Variants in TMEM74 observed in about 807,000 individuals in gnomAD.
TMEM74 encodes transmembrane protein 74.
Under a neutral mutation model 18.1 loss-of-function variants are expected in TMEM74, and 13 were observed. The observed-to-expected ratio is 0.72, with a 90% CI of 0.47 to 1.14. The LOEUF (loss-of-function observed/expected upper bound fraction) is 1.14, where lower values mean the gene tolerates loss of function less well. Among genes scored for constraint, TMEM74 ranks in the 50% most tolerant of loss-of-function variants. The pLI is 0.00. For missense variants in TMEM74, 372 were observed against 375.9 expected (o/e 0.99, Z 0.09); for synonymous variants, 159 against 146.6 (o/e 1.08, Z -0.61).
intron 1 of TMEM74, among the ~76,000 whole-genome samples, chr8:108,734,635 T>A (rs1051806271): frequency 3.9e-5 from 6 of 152,144 alleles, no homozygotes; most frequent in Admixed American, 1.3e-4. Context: ...CTAAGTTTTT[T>A]AATATCCTCT....
intron 1 of TMEM74, among the ~76,000 whole-genome samples, chr8:108,701,992 C>G (rs545858122): frequency 6.6e-6 from 1 of 152,148 alleles, no homozygotes; most frequent in Non-Finnish European, 1.5e-5. Context: ...CACTACCCAA[C>G]ATTAAGCTTT....
At chr8:108,720,429 C>A (rs1813574333) in intron 1 of TMEM74, among the ~76,000 whole-genome samples, 1 of 152,118 alleles carries the variant, frequency 6.6e-6, no homozygotes, top group South Asian at 2.1e-4. Flanking sequence ...TAGTATAAAA[C>A]CTATTATGAG....
At chr8:108,659,467 T>C (rs75638756) in intron 1 of TMEM74, among the ~76,000 whole-genome samples, 6,437 of 152,244 alleles carry the variant, frequency 0.042, 282 homozygotes, top group African/African-American at 0.11. Context: ...AAAGCTGGTG[T>C]TCTCCTGGCT....
intron 1 of TMEM74, among the ~76,000 whole-genome samples, chr8:108,742,510 CTAAGACA>C (rs1397091668): frequency 3.3e-5 from 5 of 152,220 alleles, no homozygotes; most frequent in Non-Finnish European, 5.9e-5. Context: ...GACAGCGAAT[CTAAGACA>C]TAAGTAGCAC....
intron 2 of TMEM74, among the ~76,000 whole-genome samples, chr8:108,647,656 A>T (rs1812733533): frequency 6.6e-6 from 1 of 152,146 alleles, no homozygotes; most frequent in South Asian, 2.1e-4. Context: ...TTCTTAATAC[A>T]TGTATTCAAT....
At chr8:108,652,836 A>T in intron 2 of TMEM74, 1 of 532,576 alleles carries the variant, frequency 1.9e-6, no homozygotes, top group Non-Finnish European at 3.6e-6. Flanking sequence ...ACAGATATGA[A>T]GGTTGTATGG....
chr8:108,728,124 T>C lies in TMEM74; in HGVS notation n.119+59352A>G, dbSNP rs185806784. ...AAGGGATAATTGGAAATAATTAGTA[T>C]AGCAGCTCTTTTAAGGAGTTTTGCT... On this transcript the variant is annotated intron_variant and non_coding_transcript_variant, in intron 1 of 3. Transcript: ENST00000518838. 2.6e-5 allele frequency among the ~76,000 whole-genome samples: 4 copies of C among 152,314 alleles called. No homozygotes were observed. In the East Asian group the frequency reaches 7.7e-4, roughly 29 times the overall value.
At chr8:108,669,836 G>A (rs1236199273) in intron 1 of TMEM74, among the ~76,000 whole-genome samples, 8 of 151,966 alleles carry the variant, frequency 5.3e-5, no homozygotes, top group African/African-American at 1.2e-4. Flanking sequence ...TCAGGAGTTC[G>A]AGACCAGCCT....
intron 2 of TMEM74, among the ~76,000 whole-genome samples, chr8:108,633,477 A>G (rs1392565794): frequency 1.3e-5 from 2 of 151,994 alleles, no homozygotes; most frequent in Admixed American, 1.3e-4. Context: ...GTAATTATGA[A>G]CTTAAGATTT....
chr8:108,696,757 C>T (rs1291608414), intron 1 of TMEM74, among the ~76,000 whole-genome samples: 1 of 152,198 alleles, frequency 6.6e-6, no homozygotes, highest in Non-Finnish European at 1.5e-5. Context: ...AAGTAAATCT[C>T]ACAACTGCAA....
chr8:108,710,570 G>A (rs1226822201), intron 1 of TMEM74, among the ~76,000 whole-genome samples: 1 of 152,192 alleles, frequency 6.6e-6, no homozygotes, highest in Non-Finnish European at 1.5e-5. Flanking sequence ...GCCGTAGGCA[G>A]GTGAAATGCA....
At chr8:108,637,176 G>A (rs771229027) in intron 2 of TMEM74, among the ~76,000 whole-genome samples, 1 of 152,090 alleles carries the variant, frequency 6.6e-6, no homozygotes, top group African/African-American at 2.4e-5. Flanking sequence ...TGCAAAGATT[G>A]TTCCATATTA....
intron 1 of TMEM74, among the ~76,000 whole-genome samples, chr8:108,685,756 T>C (rs1011159995): frequency 6.6e-6 from 1 of 152,076 alleles, no homozygotes; most frequent in African/African-American, 2.4e-5. Flanking sequence ...AGAGAAGGAA[T>C]GGAACAATAT....
rs1411659308 is a variant in TMEM74, at chr8:108,670,294, C to T, written n.120-14857G>A. Among the ~76,000 whole-genome samples the T allele has an allele frequency of 2.6e-5, 4 of 152,112 alleles. 1 individual carries two copies. Among genetic ancestry groups the T allele is most frequent in the Non-Finnish European group, 5.9e-5 (4 of 68,016 alleles). On this transcript the variant is annotated intron_variant and non_coding_transcript_variant, in intron 1 of 3. Coordinates refer to the TMEM74 transcript ENST00000518838. Reference sequence around the variant, plus strand: ...TCTAGTGCTGTGTTCAATATTTTTACTTCAGAACATTGAGTAGGCATTGGG... The same window carrying T: ...TCTAGTGCTGTGTTCAATATTTTTATTTCAGAACATTGAGTAGGCATTGGG...
At chr8:108,704,006 G>T (rs1395857131) in intron 1 of TMEM74, among the ~76,000 whole-genome samples, 2 of 152,150 alleles carry the variant, frequency 1.3e-5, no homozygotes, top group Non-Finnish European at 2.9e-5. Context: ...TGGAATATTG[G>T]CAGAAGTATA....
intron 2 of TMEM74, among the ~76,000 whole-genome samples, chr8:108,620,074 C>T (rs1383590601): frequency 6.6e-6 from 1 of 151,980 alleles, no homozygotes; most frequent in African/African-American, 2.4e-5. Context: ...ATTTATTTAC[C>T]TTGCTATTAT....
At chr8:108,673,903 T>A (rs1041544662) in intron 1 of TMEM74, among the ~76,000 whole-genome samples, 6 of 152,198 alleles carry the variant, frequency 3.9e-5, no homozygotes, top group African/African-American at 1.4e-4. Context: ...TACTTTGATT[T>A]AAGTTTGGGT....
At chr8:108,646,331 C>T (rs2130566713) in intron 2 of TMEM74, among the ~76,000 whole-genome samples, 1 of 152,016 alleles carries the variant, frequency 6.6e-6, no homozygotes, top group East Asian at 1.9e-4. Context: ...ATTATATAAC[C>T]TTAGACAATT....
intron 1 of TMEM74, among the ~76,000 whole-genome samples, chr8:108,676,409 C>G (rs551199185): frequency 9.2e-5 from 14 of 152,270 alleles, no homozygotes; most frequent in Middle Eastern, 3.4e-3. Flanking sequence ...CCTTTCTGGG[C>G]CTCAAACATA....
Sources: allele counts gnomAD v4.1 joint callset (sites outside exome capture counted in the v4.1 genomes callset), GRCh38; gene constraint gnomAD v4.1.1; transcripts MANE v1.5; gene names NCBI Gene and HGNC (gene_info 2026-07-23, HGNC 2026-07-21).